Variants in DNM1 observed in about 807,000 individuals in gnomAD.
The protein encoded by DNM1 is dynamin 1.
In DNM1, 29 loss-of-function variants were observed where a neutral mutation model predicts 104.6. The ratio of observed to expected loss-of-function variants is 0.28; its 90% CI spans 0.21 to 0.38. The LOEUF is 0.38. Among genes scored for constraint, DNM1 ranks in the 10% least tolerant of loss-of-function variants. The pLI is 1.00. For synonymous variants in DNM1, 445 were observed against 475.8 expected (o/e 0.94, Z 0.84); for missense variants, 640 against 1,189.4 (o/e 0.54, Z 6.79).
Position 128,222,067 on chromosome 9 carries a change from C to G in DNM1, c.850-130C>G. 9.0e-7 allele frequency: 1 copy of G among 1,105,942 alleles called. No individual in the cohort carries two copies. Among genetic ancestry groups the G allele is most frequent in the Non-Finnish European group, 1.3e-6 (1 of 781,176 alleles). 68.5% of individuals were successfully genotyped at this position (1,105,942 alleles called of 1,614,324 possible). A position where few individuals can be genotyped will look rare whatever the true frequency, so the allele number is the denominator to read the frequency against. Reference sequence around the variant, plus strand: ...TGAACCAGTTTTCTTGCTAGTGGCCCGGGCAGCAGTGGCAGGGCTGCCCTC... The same window carrying G: ...TGAACCAGTTTTCTTGCTAGTGGCCGGGGCAGCAGTGGCAGGGCTGCCCTC... On this transcript the variant is annotated intron_variant, in intron 6 of 21. Coordinates refer to ENST00000372923, the MANE Select transcript of DNM1 (RefSeq NM_004408.4). This position sits in a 1 kb window ranked among gnomAD's most constrained non-coding sequence, Gnocchi z 7.8.
At chr9:128,251,441 G>T (rs1829514163) in intron 21 of DNM1, 6 of 269,808 alleles carry the variant, frequency 2.2e-5, no homozygotes, top group Middle Eastern at 1.4e-3. Flanking sequence ...ATCCCAGGGG[G>T]TGTCCAGCCA....
chr9:128,213,218 A>G (rs1440233271), intron 1 of DNM1, among the ~76,000 whole-genome samples: 2 of 152,038 alleles, frequency 1.3e-5, no homozygotes, highest in African/African-American at 4.8e-5. Context: ...AGTAGCTGGG[A>G]CTACAGGCGC....
intron 1 of DNM1, among the ~76,000 whole-genome samples, chr9:128,208,049 CT>C (rs961426768): frequency 4.0e-5 from 6 of 150,552 alleles, no homozygotes; most frequent in Admixed American, 1.3e-4. Flanking sequence ...CCTCCCCATT[CT>C]TTTTTTTCTT....
intron 14 of DNM1, among the ~76,000 whole-genome samples, chr9:128,241,694 G>C (rs771682474): frequency 6.6e-6 from 1 of 152,144 alleles, no homozygotes; most frequent in African/African-American, 2.4e-5. Context: ...TTCAGGGAGT[G>C]ATCAAAGATC....
At chr9:128,207,438 G>A (rs1834035293) in intron 1 of DNM1, among the ~76,000 whole-genome samples, 1 of 152,042 alleles carries the variant, frequency 6.6e-6, no homozygotes, top group Non-Finnish European at 1.5e-5. Context: ...GGTGCCCTAG[G>A]CCAAAGGGGC....
At chr9:128,212,991 G>C (rs1237730696) in intron 1 of DNM1, among the ~76,000 whole-genome samples, 1 of 152,234 alleles carries the variant, frequency 6.6e-6, no homozygotes, top group Non-Finnish European at 1.5e-5. Context: ...TGATGATGAT[G>C]ATGAATGATA....
In DNM1 at chr9:128,247,865, C is replaced by A; in HGVS notation, c.1894-59C>A. ...TCTCCCCTTTTCCTCTCTGTGTTTC[C>A]TTCGGCTGTGCTCCCTGGTGGTGGC... is the stretch of plus-strand genomic sequence containing the variant. On this transcript the variant is annotated intron_variant, in intron 17 of 21. Transcript: ENST00000372923. This position sits in a 1 kb window ranked among gnomAD's most constrained non-coding sequence, Gnocchi z 5.1. The A allele has an allele frequency of 1.3e-5, 21 of 1,603,772 alleles. No homozygotes were observed. Among genetic ancestry groups the A allele is most frequent in the Non-Finnish European group, 1.8e-5 (21 of 1,173,810 alleles).
intron 14 of DNM1, among the ~76,000 whole-genome samples, chr9:128,241,942 T>C (rs915275181): frequency 6.6e-6 from 1 of 152,186 alleles, no homozygotes; most frequent in East Asian, 1.9e-4. Context: ...TCTGCTTGCA[T>C]ACTTTTAGTG....
chr9:128,224,496 A>C lies in DNM1; in HGVS notation c.1335+107A>C. The C allele has an allele frequency of 8.8e-7, 1 of 1,137,654 alleles. No homozygotes were observed. Among genetic ancestry groups the C allele is most frequent in the Admixed American group, 2.5e-5 (1 of 40,620 alleles). The allele number at this position is 1,137,654 out of a possible 1,614,324, so 70.5% of individuals were successfully genotyped here. On this transcript the variant is annotated intron_variant, in intron 10 of 21. Transcript: ENST00000372923. This position sits in a 1 kb window ranked among gnomAD's most constrained non-coding sequence, Gnocchi z 4.3. Reference sequence around the variant, plus strand: ...CCTGCCTCCTCGGTAGCATGTACAGACCTCAGCGGGGTGGGGAGGCAGGCC... The same window carrying C: ...CCTGCCTCCTCGGTAGCATGTACAGCCCTCAGCGGGGTGGGGAGGCAGGCC...
At chr9:128,239,873 C>T (rs926910190) in intron 13 of DNM1, 94 bp downstream of exon 13, 40 of 1,562,956 alleles carry the variant, frequency 2.6e-5, no homozygotes, top group South Asian at 4.5e-5. Context: ...AAGGGTCCCA[C>T]GGGGGCCAGG....
chr9:128,250,259 A>G lies in DNM1; in HGVS notation c.2221A>G (p.Ile741Val), dbSNP rs1829431409. ...MYHALKEALSIIGDINTTTVS... is the reference protein window; with the variant it reads ...MYHALKEALSVIGDINTTTVS... ...CCACGCACTGAAGGAGGCGCTCAGC[A>G]TCATCGGCGACATCAACACGACCAC... Residue 741 changes from isoleucine (I) to valine (V), a missense_variant, in exon 20 of 22, where the codon ATC becomes GTC. Around this residue, in one of 7 missense-constraint regions of DNM1, gnomAD observed 129 missense variants for 224.6 expected, o/e 0.57. Coordinates refer to ENST00000372923, the MANE Select transcript of DNM1 (RefSeq NM_004408.4). 6.2e-7 allele frequency: 1 copy of G among 1,613,826 alleles called. No homozygotes were observed. Among genetic ancestry groups the G allele is most frequent in the Non-Finnish European group, 8.5e-7 (1 of 1,179,896 alleles).
In DNM1 at chr9:128,253,118, C is replaced by G; in HGVS notation, c.2535-1536C>G. The G allele has an allele frequency of 6.2e-7, 1 of 1,608,910 alleles. No individual in the cohort carries two copies. The highest frequency in any genetic ancestry group is 8.5e-7 in the Non-Finnish European group (1 of 1,179,966). On this transcript the variant is annotated intron_variant, in intron 21 of 21. Coordinates refer to ENST00000372923, the MANE Select transcript of DNM1 (RefSeq NM_004408.4). The surrounding 1 kb of genome is among the most constrained non-coding windows in gnomAD (Gnocchi z 5.9). The stretch of plus-strand genomic sequence containing the variant: ...TCTTTCAGAATCACTATCAGTGACC[C>G]CTGAGGAGCGTCAGCCATGGTAGGT...
chr9:128,218,477 T>C lies in DNM1; in HGVS notation c.236-105T>C, dbSNP rs1030278371. ...ATGGAGACGTGGGTGGTGGTTCTGCTTGGGTGTGTCTAGGGGGTTCTATTA... is the reference window on the plus strand; with the variant it reads ...ATGGAGACGTGGGTGGTGGTTCTGCCTGGGTGTGTCTAGGGGGTTCTATTA... On this transcript the variant is annotated intron_variant, in intron 2 of 21. Transcript: ENST00000372923. This position sits in a 1 kb window ranked among gnomAD's most constrained non-coding sequence, Gnocchi z 4.8. 4.1e-6 allele frequency: 6 copies of C among 1,453,238 alleles called. No homozygotes were observed. The highest frequency in any genetic ancestry group is 1.4e-5 in the African/African-American group (1 of 71,632). The allele number at this position is 1,453,238 out of a possible 1,614,324, so 90.0% of individuals were successfully genotyped here.
rs36042863 is a variant in DNM1 at position 128,249,656 on chromosome 9, CA to C, written c.2077-445del. On this transcript the variant is annotated intron_variant, in intron 19 of 21. Transcript: ENST00000372923. ...GGGTAACAAGAGTGAAACTCCGTCT[CA>C]AAAAAAAAAAAAAGAATAGCTGGGG... Among the ~76,000 whole-genome samples the C allele has an allele frequency of 7.5e-3, 966 of 129,476 alleles. 9 individuals carry two copies. The highest frequency in any genetic ancestry group is 0.021 in the African/African-American group (741 of 35,720). 84.9% of individuals were successfully genotyped at this position (129,476 alleles called of 152,430 possible).
chr9:128,254,622 C>A lies in DNM1; in HGVS notation c.2535-32C>A. 6.3e-7 allele frequency: 1 copy of A among 1,596,148 alleles called. No homozygotes were observed. The highest frequency in any genetic ancestry group is 8.5e-7 in the Non-Finnish European group (1 of 1,179,588). The stretch of plus-strand genomic sequence containing the variant: ...CAGCTCTCTCCTCGCTTTTCTCTCC[C>A]GTTTTCTCTCTGCTTTCTCTCCAAC... On this transcript the variant is annotated intron_variant, in intron 21 of 21. Transcript: ENST00000372923. The surrounding 1 kb of genome is among the most constrained non-coding windows in gnomAD (Gnocchi z 6.1).
intron 1 of DNM1, among the ~76,000 whole-genome samples, chr9:128,217,674 T>TC (rs139423823): frequency 0.15 from 23,399 of 152,078 alleles, 1,936 homozygotes; most frequent in East Asian, 0.34. Context: ...CGCCTCAGCC[T>TC]CCAAAGTGCT....
At chr9:128,250,497 C>G in intron 20 of DNM1, 141 bp downstream of exon 20, 3 of 1,089,912 alleles carry the variant, frequency 2.8e-6, no homozygotes, top group Non-Finnish European at 3.8e-6. Context: ...GAGGGCGGGG[C>G]TTGTCGCGGG....
In DNM1 at chr9:128,222,612, CTGGGGA is replaced by C; in HGVS notation, c.1128+17_1128+22del. ...GCTGGTCAAGGTAGGTCAGGCAGCC[CTGGGGA>C]CAGGATGGCTCAGGACTCCCCCCAC... On this transcript the variant is annotated intron_variant, in intron 8 of 21. Transcript: ENST00000372923. The surrounding 1 kb of genome is among the most constrained non-coding windows in gnomAD (Gnocchi z 7.8). The C allele has an allele frequency of 6.2e-7, 1 of 1,613,936 alleles. No homozygotes were observed.
In DNM1 at chr9:128,240,624, A is replaced by C. The variant is rs1836304940; in HGVS notation, c.1557+628A>C. 6.5e-6 allele frequency: 1 copy of C among 152,768 alleles called. No individual in the cohort carries two copies. The allele number at this position is 152,768 out of a possible 1,614,324, so 9.5% of individuals were successfully genotyped here. A position where few individuals can be genotyped will look rare whatever the true frequency, so the allele number is the denominator to read the frequency against. The stretch of plus-strand genomic sequence containing the variant: ...GAGGGCTGAGTCTGTCCCGTTTATC[A>C]TTAAATCCTCAGCTCAAGCCCCTAG... On this transcript the variant is annotated intron_variant, in intron 14 of 21. Coordinates refer to ENST00000372923, the MANE Select transcript of DNM1 (RefSeq NM_004408.4). The surrounding 1 kb of genome is among the most constrained non-coding windows in gnomAD (Gnocchi z 5.1).
Sources: gnomAD v4.1 joint callset for allele counts (sites outside exome capture counted in the v4.1 genomes callset) on GRCh38, gnomAD v4.1.1 for gene constraint, gnomAD v4.1.1 regional missense constraint, Gnocchi (gnomAD v3.1) non-coding constraint, MANE v1.5 for transcripts, NCBI Gene and HGNC (gene_info 2026-07-23, HGNC 2026-07-21) for gene names.